Variants in PAPPA2 observed in about 807,000 individuals in gnomAD.
PAPPA2 encodes pappalysin 2.
A neutral mutation model predicts 176.4 loss-of-function variants in PAPPA2; 86 were observed. The ratio of observed to expected loss-of-function variants is 0.49; its 90% CI spans 0.41 to 0.58. PAPPA2 has a LOEUF of 0.58. Ranked by LOEUF, PAPPA2 falls within the 20% of genes least tolerant of loss-of-function variation. PAPPA2 has a pLI of 0.00. For synonymous variants in PAPPA2, 809 were observed against 852.2 expected (o/e 0.95, Z 0.88); for missense variants, 2,073 against 2,256.9 (o/e 0.92, Z 1.65).
chr1:176,702,130 G>A (rs1266473528), intron 8 of PAPPA2, among the ~76,000 whole-genome samples: 2 of 152,234 alleles, frequency 1.3e-5, no homozygotes, highest in African/African-American at 4.8e-5. Context: ...TTACTCCTAA[G>A]GATTCAGTCT....
intron 21 of PAPPA2, among the ~76,000 whole-genome samples, chr1:176,828,777 G>T (rs1484821090): frequency 6.6e-6 from 1 of 152,088 alleles, no homozygotes; most frequent in Non-Finnish European, 1.5e-5. Flanking sequence ...GCTGAGGTGG[G>T]TGAATCACGA....
intron 6 of PAPPA2, among the ~76,000 whole-genome samples, chr1:176,693,930 C>T (rs1458776233): frequency 1.3e-5 from 2 of 152,186 alleles, no homozygotes; most frequent in African/African-American, 4.8e-5. Context: ...TGAATTCTCT[C>T]TCTGGTACAA....
Position 176,599,140 on chromosome 1 carries a change from T to G in PAPPA2, c.1991+3545T>G, listed in dbSNP as rs376306215. Among the ~76,000 whole-genome samples, 45 of 151,840 alleles carry G rather than the reference T, an allele frequency of 3.0e-4. No individual in the cohort carries two copies. The East Asian group carries it at 4.3e-3, about 14-fold the overall frequency. ...TGATAATTGTGTGTATTTTTATAGG[T>G]GTGTGTGTGTGTATATATATATACA... On this transcript the variant is annotated intron_variant, in intron 3 of 22. Coordinates refer to ENST00000367662, the MANE Select transcript of PAPPA2 (RefSeq NM_020318.3).
intron 21 of PAPPA2, among the ~76,000 whole-genome samples, chr1:176,839,807 C>T (rs1331814454): frequency 6.6e-6 from 1 of 152,136 alleles, no homozygotes; most frequent in Non-Finnish European, 1.5e-5. Context: ...CTGCCTACTG[C>T]ACAGGCTTTC....
intron 1 of PAPPA2, among the ~76,000 whole-genome samples, chr1:176,547,547 G>A (rs1318682597): frequency 6.6e-6 from 1 of 152,124 alleles, no homozygotes; most frequent in African/African-American, 2.4e-5. Flanking sequence ...GCAATGACCT[G>A]TGCCAAACCC....
At chr1:176,466,754 G>A (rs1008907821) in intron 1 of PAPPA2, among the ~76,000 whole-genome samples, 6 of 152,104 alleles carry the variant, frequency 3.9e-5, no homozygotes, top group Non-Finnish European at 8.8e-5. Flanking sequence ...ATCTGTCGCA[G>A]CACAGACCGA....
At chr1:176,826,158 G>T (rs61821289) in intron 21 of PAPPA2, among the ~76,000 whole-genome samples, 13,000 of 152,146 alleles carry the variant, frequency 0.085, 603 homozygotes, top group African/African-American at 0.11. Context: ...TTCTTAGACT[G>T]GTAGGAAGAT....
chr1:176,482,903 A>T (rs1652469350), intron 1 of PAPPA2, among the ~76,000 whole-genome samples: 1 of 152,136 alleles, frequency 6.6e-6, no homozygotes, highest in Non-Finnish European at 1.5e-5. Flanking sequence ...CTGGGTTCAA[A>T]CCTACCCAAC....
intron 3 of PAPPA2, among the ~76,000 whole-genome samples, chr1:176,617,071 A>G (rs1253874073): frequency 1.3e-5 from 2 of 151,920 alleles, no homozygotes; most frequent in East Asian, 1.9e-4. Context: ...ATTTCAATTC[A>G]ACACTTTTGT....
intron 1 of PAPPA2, among the ~76,000 whole-genome samples, chr1:176,510,448 T>A (rs1648526191): frequency 6.6e-6 from 1 of 152,048 alleles, no homozygotes; most frequent in Non-Finnish European, 1.5e-5. Flanking sequence ...CTTTTAAAAG[T>A]GGAGTTTAAA....
intron 1 of PAPPA2, among the ~76,000 whole-genome samples, chr1:176,489,083 T>C (rs915102365): frequency 2.0e-5 from 3 of 152,224 alleles, no homozygotes; most frequent in Admixed American, 1.3e-4. Context: ...CAAGTGTGTA[T>C]GCATGTGATG....
intron 17 of PAPPA2, among the ~76,000 whole-genome samples, chr1:176,783,783 C>T (rs566919607): frequency 2.0e-5 from 3 of 152,222 alleles, no homozygotes; most frequent in African/African-American, 7.2e-5. Flanking sequence ...TGATCTCGCT[C>T]TCTGGTTTCT....
At chr1:176,663,870 T>C (rs1658481039) in intron 3 of PAPPA2, among the ~76,000 whole-genome samples, 1 of 152,190 alleles carries the variant, frequency 6.6e-6, no homozygotes, top group East Asian at 1.9e-4. Context: ...CTTTATATTT[T>C]GTCTTTCTAA....
chr1:176,772,834 G>A (rs1368224607), intron 17 of PAPPA2, among the ~76,000 whole-genome samples: 1 of 152,146 alleles, frequency 6.6e-6, no homozygotes, highest in African/African-American at 2.4e-5. Context: ...TTACCCTGAA[G>A]GCTGCTGTTT....
intron 1 of PAPPA2, among the ~76,000 whole-genome samples, chr1:176,522,300 T>G (rs924181505): frequency 2.0e-5 from 3 of 152,346 alleles, no homozygotes; most frequent in African/African-American, 7.2e-5. Flanking sequence ...ATTCTTCAAA[T>G]GCCTTTGGTT....
In PAPPA2 at chr1:176,762,955, T is replaced by C. The variant is rs145287624; in HGVS notation, c.4152-2711T>C. On this transcript the variant is annotated intron_variant, in intron 14 of 22. Transcript: ENST00000367662. ...TCTTCCAACTTATACATAATAAACA[T>C]AGATAAAAGAAATGAGAGTATCACT... is the stretch of plus-strand genomic sequence containing the variant. 1.6e-4 allele frequency among the ~76,000 whole-genome samples: 25 copies of C among 152,172 alleles called. No individual in the cohort carries two copies. In the East Asian group the frequency reaches 4.8e-3, roughly 29 times the overall value.
At chr1:176,759,542 C>G (rs1663594977) in intron 14 of PAPPA2, among the ~76,000 whole-genome samples, 1 of 152,122 alleles carries the variant, frequency 6.6e-6, no homozygotes. Flanking sequence ...TTATAGCCTT[C>G]TGGAGTTCTT....
chr1:176,532,642 C>T (rs1245605520), intron 1 of PAPPA2, among the ~76,000 whole-genome samples: 2 of 152,222 alleles, frequency 1.3e-5, no homozygotes, highest in South Asian at 4.1e-4. Flanking sequence ...GGCAACCCAG[C>T]TTCCTGTCCC....
chr1:176,725,251 C>A (rs791035), intron 12 of PAPPA2, among the ~76,000 whole-genome samples: 122,595 of 152,172 alleles, frequency 0.81, 49,457 homozygotes, highest in East Asian at 0.93. Context: ...TGCAAAAACT[C>A]TTCTTAGCTC....
Sources: gnomAD v4.1 joint callset for allele counts (sites outside exome capture counted in the v4.1 genomes callset) on GRCh38, gnomAD v4.1.1 for gene constraint, MANE v1.5 for transcripts, NCBI Gene and HGNC (gene_info 2026-07-23, HGNC 2026-07-21) for gene names.